Variants in ZNF577 observed in about 807,000 individuals in gnomAD.
The protein encoded by ZNF577 is zinc finger protein 577.
A neutral mutation model predicts 13.9 loss-of-function variants in ZNF577; 14 were observed. That is an observed-to-expected ratio of 1.00 (90% CI 0.66 to 1.57). ZNF577 has a LOEUF of 1.57. ZNF577 is among the 40% of genes most tolerant of loss of function. The pLI is 0.00. For missense variants in ZNF577, 555 were observed against 579.2 expected (o/e 0.96, Z 0.43); for synonymous variants, 203 against 202.9 (o/e 1.00, Z 0.00).
intron 5 of ZNF577, among the ~76,000 whole-genome samples, chr19:51,857,365 G>GAAAGAAA (rs2084437193): frequency 8.6e-5 from 8 of 93,350 alleles, no homozygotes; most frequent in African/African-American, 2.9e-4. Flanking sequence ...AAAGAAGGAA[G>GAAAGAAA]GAAAGAAAGA....
At chr19:51,813,357 T>C (rs1039160497) in intron 9 of ZNF577, among the ~76,000 whole-genome samples, 6 of 152,098 alleles carry the variant, frequency 3.9e-5, no homozygotes, top group Non-Finnish European at 7.4e-5. Flanking sequence ...ACAATCATAA[T>C]TGAAAACCTC....
chr19:51,883,055 G>C (rs541055817), intron 1 of ZNF577, among the ~76,000 whole-genome samples: 1 of 149,200 alleles, frequency 6.7e-6, no homozygotes, highest in African/African-American at 2.5e-5. Flanking sequence ...GTGCAGTAGC[G>C]CGATCTCAGC....
intron 4 of ZNF577, chr19:51,878,005 A>G (rs1163629036): frequency 6.3e-6 from 1 of 159,514 alleles, no homozygotes; most frequent in African/African-American, 2.4e-5. Context: ...TAAGCCAGAC[A>G]CAAAAAGACA....
At chr19:51,857,365 G>GGAAAGAAAGAAAGAAAGAAA (rs369768303) in intron 5 of ZNF577, among the ~76,000 whole-genome samples, 79 of 93,350 alleles carry the variant, frequency 8.5e-4, no homozygotes, top group East Asian at 2.6e-3. Context: ...AAAGAAGGAA[G>GGAAAGAAAGAAAGAAAGAAA]GAAAGAAAGA....
intron 5 of ZNF577, among the ~76,000 whole-genome samples, chr19:51,857,416 AAGAAAG>A (rs1362783438): frequency 3.2e-5 from 4 of 123,296 alleles, no homozygotes; most frequent in East Asian, 4.2e-4. Flanking sequence ...GAAAGAAAGA[AAGAAAG>A]AAAGAAAAGA....
Position 51,872,704 on chromosome 19 carries a change from C to A in ZNF577, c.1286G>T (p.Ser429Ile). The A allele has an allele frequency of 6.2e-7, 1 of 1,614,182 alleles. No homozygotes were observed. The highest frequency in any genetic ancestry group is 1.1e-5 in the South Asian group (1 of 91,078). Residue 429 changes from serine (S) to isoleucine (I), a missense_variant, in exon 6 of 6, where the codon AGT becomes ATT. By Grantham distance (142) the Ser-to-Ile change is moderately radical. Transcript: ENST00000638348. The stretch of plus-strand genomic sequence containing the variant: ...TACATTTCTGCCCACTAGGCGCTCA[C>A]TCTTGTTTAACAATGGCGGGGTTCC... ...SSGTPPLLNKSERLVGRNVVI... is the reference protein window; with the variant it reads ...SSGTPPLLNKIERLVGRNVVI...
At chr19:51,857,426 GAAAA>G (rs2084443579) in intron 5 of ZNF577, among the ~76,000 whole-genome samples, 2 of 96,818 alleles carry the variant, frequency 2.1e-5, no homozygotes, top group African/African-American at 9.9e-5. Flanking sequence ...AAGAAAGAAA[GAAAA>G]GAAAAAACAA....
In ZNF577 at chr19:51,870,363, A is replaced by C. The variant is rs1292428710; in HGVS notation, c.*2169T>G. On this transcript the variant is annotated 3_prime_UTR_variant, in exon 6 of 6. Coordinates refer to ENST00000638348, the MANE Select transcript of ZNF577 (RefSeq NM_001370449.1). ...TATTTCTTTATTAGTCTCTGTTTGG[A>C]AAATTGCTAACTTACTTGGAAAGTA... 6.6e-6 allele frequency among the ~76,000 whole-genome samples: 1 copy of C among 152,146 alleles called. No individual in the cohort carries two copies. Among genetic ancestry groups the C allele is most frequent in the Non-Finnish European group, 1.5e-5 (1 of 68,038 alleles).
chr19:51,821,918 G>A (rs184722839), intron 9 of ZNF577, among the ~76,000 whole-genome samples: 296 of 152,266 alleles, frequency 1.9e-3, no homozygotes, highest in Non-Finnish European at 3.0e-3. Flanking sequence ...TAGAGAGGCT[G>A]GATATCCCAA....
At chr19:51,827,857 C>T (rs1450837113) in intron 9 of ZNF577, among the ~76,000 whole-genome samples, 1 of 152,200 alleles carries the variant, frequency 6.6e-6, no homozygotes, top group Non-Finnish European at 1.5e-5. Flanking sequence ...AGACACCACT[C>T]AACATGAATA....
chr19:51,874,236 G>T (rs1156659843), intron 5 of ZNF577, among the ~76,000 whole-genome samples: 1 of 152,078 alleles, frequency 6.6e-6, no homozygotes, highest in Non-Finnish European at 1.5e-5. Context: ...TGAATAGACT[G>T]GTATTTGGGA....
At chr19:51,841,647 G>A (rs751948658) in intron 8 of ZNF577, among the ~76,000 whole-genome samples, 5 of 152,268 alleles carry the variant, frequency 3.3e-5, no homozygotes, top group Non-Finnish European at 7.4e-5. Flanking sequence ...GGCCCGATGC[G>A]GTGGCTCATG....
chr19:51,823,571 G>A (rs572514498), intron 9 of ZNF577, among the ~76,000 whole-genome samples: 26 of 152,198 alleles, frequency 1.7e-4, no homozygotes, highest in Admixed American at 7.8e-4. Flanking sequence ...GAGAACTATC[G>A]TTTCCCAAAG....
At chr19:51,852,891 G>C (rs2122568021) in intron 5 of ZNF577, among the ~76,000 whole-genome samples, 1 of 151,942 alleles carries the variant, frequency 6.6e-6, no homozygotes, top group East Asian at 1.9e-4. Flanking sequence ...ATGGCTAGCT[G>C]TCAGGTAGGG....
chr19:51,815,414 G>C (rs2084127889), intron 9 of ZNF577, among the ~76,000 whole-genome samples: 1 of 152,082 alleles, frequency 6.6e-6, no homozygotes, highest in African/African-American at 2.4e-5. Context: ...ACAAAAATTA[G>C]CCAGGCATGG....
chr19:51,823,329 G>A (rs1166080341), intron 9 of ZNF577, among the ~76,000 whole-genome samples: 2 of 152,158 alleles, frequency 1.3e-5, no homozygotes, highest in African/African-American at 2.4e-5. Flanking sequence ...GCATGGGGCC[G>A]AAAGAAGTTG....
At chr19:51,865,964 A>G (rs1353491505), downstream of ZNF577, among the ~76,000 whole-genome samples, 1 of 151,836 alleles carries the variant, frequency 6.6e-6, no homozygotes, top group Non-Finnish European at 1.5e-5. Flanking sequence ...AAAATACAAA[A>G]CTTAGCTGGG....
At chr19:51,852,906 T>C (rs1210405928) in intron 5 of ZNF577, among the ~76,000 whole-genome samples, 1 of 151,920 alleles carries the variant, frequency 6.6e-6, no homozygotes, top group Non-Finnish European at 1.5e-5. Context: ...GTAGGGTGAA[T>C]GGCTCTTTAA....
Position 51,824,750 on chromosome 19 carries a change from C to A in ZNF577, c.*600-13076G>T. ...CTGAGGTCCCTGACTCAGCCCAGAC[C>A]AGCAACACAGACACCACTTCTGCTT... On this transcript the variant is annotated intron_variant and NMD_transcript_variant, in intron 9 of 10. Transcript: ENST00000638827. The surrounding 1 kb of genome is among the most constrained non-coding windows in gnomAD (Gnocchi z 4.7). 6.2e-7 allele frequency: 1 copy of A among 1,613,982 alleles called. No individual in the cohort carries two copies. The highest frequency in any genetic ancestry group is 8.5e-7 in the Non-Finnish European group (1 of 1,179,976).
Sources: allele counts gnomAD v4.1 joint callset (sites outside exome capture counted in the v4.1 genomes callset), GRCh38; gene constraint gnomAD v4.1.1; non-coding constraint Gnocchi (gnomAD v3.1); transcripts MANE v1.5; gene names NCBI Gene and HGNC (gene_info 2026-07-23, HGNC 2026-07-21).